CNKSR3: variants seen among roughly 807,000 people sequenced by gnomAD.
CNKSR3 encodes connector enhancer of kinase suppressor of ras 3.
CNKSR3 carries 36 observed loss-of-function variants against 67.7 expected under a neutral mutation model. The ratio of observed to expected loss-of-function variants is 0.53; its 90% CI spans 0.41 to 0.70. The LOEUF is 0.70. Ranked by LOEUF, CNKSR3 falls within the 30% of genes least tolerant of loss-of-function variation. The pLI is 0.00. For synonymous variants in CNKSR3, 281 were observed against 271.4 expected (o/e 1.04, Z -0.35); for missense variants, 630 against 695.2 (o/e 0.91, Z 1.05).
At chr6:154,438,399 C>G (rs914081374) in intron 4 of CNKSR3, among the ~76,000 whole-genome samples, 1 of 152,132 alleles carries the variant, frequency 6.6e-6, no homozygotes, top group African/African-American at 2.4e-5. Flanking sequence ...CACACACACA[C>G]ACATGCATTT....
chr6:154,413,229 G>T (rs535563100), intron 10 of CNKSR3, among the ~76,000 whole-genome samples: 99 of 150,756 alleles, frequency 6.6e-4, no homozygotes, highest in Middle Eastern at 6.8e-3. Context: ...TCTGTTTTTT[G>T]TTTTTTTGTT....
At chr6:154,497,359 C>G (rs565873321) in intron 1 of CNKSR3, among the ~76,000 whole-genome samples, 1 of 152,188 alleles carries the variant, frequency 6.6e-6, no homozygotes, top group East Asian at 1.9e-4. Flanking sequence ...CCACTGCACT[C>G]CAGCCTGGGT....
intron 1 of CNKSR3, 97 bp from the exon 2 acceptor site, chr6:154,450,355 A>G: frequency 8.2e-7 from 1 of 1,224,358 alleles, no homozygotes; most frequent in Non-Finnish European, 1.2e-6. Flanking sequence ...AGCAATCAAC[A>G]ATTATGATGC....
intron 1 of CNKSR3, among the ~76,000 whole-genome samples, chr6:154,480,179 A>G (rs1333898805): frequency 6.6e-6 from 1 of 152,186 alleles, no homozygotes; most frequent in Admixed American, 6.5e-5. Flanking sequence ...TTAAATGTCT[A>G]AATAACAAGT....
At chr6:154,417,050 G>A (rs1562322200) in intron 9 of CNKSR3, among the ~76,000 whole-genome samples, 2 of 152,150 alleles carry the variant, frequency 1.3e-5, no homozygotes, top group African/African-American at 2.4e-5. Flanking sequence ...CTCATGTTCT[G>A]AACATAACCA....
intron 7 of CNKSR3, 128 bp from the exon 8 acceptor site, chr6:154,423,111 G>A: frequency 1.6e-6 from 1 of 625,250 alleles, no homozygotes. Context: ...ATAAAACAAT[G>A]CACTTTATTC....
chr6:154,503,030 C>T (rs1184024208), intron 1 of CNKSR3, among the ~76,000 whole-genome samples: 1 of 152,164 alleles, frequency 6.6e-6, no homozygotes, highest in African/African-American at 2.4e-5. Context: ...AAGGATGGAG[C>T]TACCCCAGTC....
chr6:154,449,852 C>T (rs1562338000), intron 2 of CNKSR3, among the ~76,000 whole-genome samples: 1 of 152,184 alleles, frequency 6.6e-6, no homozygotes, highest in Non-Finnish European at 1.5e-5. Context: ...TGGTTGTGTT[C>T]CTATAAAACT....
At chr6:154,428,451 G>C (rs544655883) in intron 6 of CNKSR3, among the ~76,000 whole-genome samples, 1 of 152,144 alleles carries the variant, frequency 6.6e-6, no homozygotes. Context: ...CCACAACTCC[G>C]AGGATGTGGG....
intron 1 of CNKSR3, among the ~76,000 whole-genome samples, chr6:154,486,041 T>C (rs144730635): frequency 2.0e-5 from 3 of 152,278 alleles, no homozygotes; most frequent in African/African-American, 7.2e-5. Flanking sequence ...AAAGCAGCAG[T>C]AAAGCAGGAA....
At chr6:154,449,414 C>G (rs1300665242) in intron 2 of CNKSR3, among the ~76,000 whole-genome samples, 1 of 152,140 alleles carries the variant, frequency 6.6e-6, no homozygotes, top group African/African-American at 2.4e-5. Flanking sequence ...CCTCCACCTC[C>G]CAGGCTCAGG....
intron 4 of CNKSR3, among the ~76,000 whole-genome samples, chr6:154,434,483 A>T (rs1307592069): frequency 6.6e-6 from 1 of 152,220 alleles, no homozygotes; most frequent in Non-Finnish European, 1.5e-5. Flanking sequence ...TTTTCACGTC[A>T]ATCAAAAAGT....
chr6:154,454,881 A>G (rs890138082), intron 1 of CNKSR3, among the ~76,000 whole-genome samples: 5 of 152,166 alleles, frequency 3.3e-5, no homozygotes, highest in African/African-American at 9.7e-5. Flanking sequence ...AAAGAGACAC[A>G]GAAACTCCCA....
intron 1 of CNKSR3, among the ~76,000 whole-genome samples, chr6:154,476,504 T>C (rs59835310): frequency 0.043 from 6,547 of 151,538 alleles, 431 homozygotes; most frequent in African/African-American, 0.15. Context: ...GGCCTGTTTG[T>C]TCTCATTTTA....
intron 1 of CNKSR3, among the ~76,000 whole-genome samples, chr6:154,477,223 T>C (rs369325874): frequency 3.1e-4 from 47 of 152,296 alleles, no homozygotes; most frequent in African/African-American, 1.1e-3. Flanking sequence ...GATTGTAACA[T>C]TATAACATCA....
intron 1 of CNKSR3, among the ~76,000 whole-genome samples, chr6:154,478,870 A>G (rs187457870): frequency 2.5e-3 from 382 of 152,344 alleles, no homozygotes; most frequent in Non-Finnish European, 4.2e-3. Context: ...AAGAAACTCT[A>G]TCTGCCAAGA....
intron 1 of CNKSR3, among the ~76,000 whole-genome samples, chr6:154,452,353 C>A (rs866965997): frequency 4.6e-5 from 7 of 152,172 alleles, no homozygotes; most frequent in South Asian, 4.1e-4. Flanking sequence ...TAAGGTCTAA[C>A]AACAAGACAG....
intron 10 of CNKSR3, among the ~76,000 whole-genome samples, chr6:154,413,798 A>G (rs1313544685): frequency 1.3e-5 from 2 of 151,994 alleles, no homozygotes; most frequent in Non-Finnish European, 2.9e-5. Context: ...CCCAGGCTGG[A>G]TTGCAATGGC....
intron 2 of CNKSR3, among the ~76,000 whole-genome samples, chr6:154,446,957 A>G (rs1582867952): frequency 6.6e-6 from 1 of 151,916 alleles, no homozygotes; most frequent in African/African-American, 2.4e-5. Flanking sequence ...GGCACCCGCT[A>G]CCACACCCAG....
Sources: gnomAD v4.1 joint callset for allele counts (sites outside exome capture counted in the v4.1 genomes callset) on GRCh38, gnomAD v4.1.1 for gene constraint, MANE v1.5 for transcripts, NCBI Gene and HGNC (gene_info 2026-07-23, HGNC 2026-07-21) for gene names.